GFRA1: variants seen among roughly 807,000 people sequenced by gnomAD.
The protein encoded by GFRA1 is GDNF family receptor alpha-1.
GFRA1 carries 16 observed loss-of-function variants against 51.6 expected under a neutral mutation model. The observed-to-expected ratio is 0.31, with a 90% CI of 0.21 to 0.47. The LOEUF (loss-of-function observed/expected upper bound fraction) is 0.47. Ranked by LOEUF, GFRA1 falls within the 20% of genes least tolerant of loss-of-function variation. The pLI, the probability that GFRA1 is intolerant of heterozygous loss-of-function variation, is 1.00. For missense variants in GFRA1, 530 were observed against 594.3 expected, an observed-to-expected ratio of 0.89 and a Z score of 1.13; for synonymous variants, 270 against 241.3, an observed-to-expected ratio of 1.12 and a Z score of -1.10.
At chr10:116,259,323 C>CTT (rs1491129269) in intron 4 of GFRA1, among the ~76,000 whole-genome samples, 2 of 23,232 alleles carry the variant, frequency 8.6e-5, no homozygotes, top group Non-Finnish European at 1.1e-4. Flanking sequence ...ACTATGTATT[C>CTT]CTTTTTTTTT....
intron 6 of GFRA1, among the ~76,000 whole-genome samples, chr10:116,119,364 A>G (rs1589803580): frequency 2.6e-5 from 4 of 152,326 alleles, no homozygotes; most frequent in Admixed American, 2.6e-4. Flanking sequence ...CGAGCCATTC[A>G]GCACTCCGAA....
At chr10:116,266,899 G>T (rs947561110) in intron 4 of GFRA1, among the ~76,000 whole-genome samples, 3 of 152,150 alleles carry the variant, frequency 2.0e-5, no homozygotes, top group African/African-American at 7.2e-5. Flanking sequence ...CAGATCCATG[G>T]ACTGTAACGA....
At chr10:116,228,333 G>A (rs891004957) in intron 4 of GFRA1, among the ~76,000 whole-genome samples, 1 of 152,176 alleles carries the variant, frequency 6.6e-6, no homozygotes, top group African/African-American at 2.4e-5. Flanking sequence ...TCTTCCAGCT[G>A]GAGATGCCTA....
At chr10:116,064,887 A>G (rs1202503972) in intron 10 of GFRA1, among the ~76,000 whole-genome samples, 1 of 148,796 alleles carries the variant, frequency 6.7e-6, no homozygotes, top group Non-Finnish European at 1.5e-5. Context: ...CAGGTAACTG[A>G]CAGCGTTGGA....
chr10:116,109,351 A>G (rs1337075123), intron 6 of GFRA1, among the ~76,000 whole-genome samples: 1 of 152,214 alleles, frequency 6.6e-6, no homozygotes, highest in Non-Finnish European at 1.5e-5. Context: ...CAGAAGCCCA[A>G]ATCTGATTTA....
chr10:116,211,533 G>A, intron 5 of GFRA1, 98 bp downstream of exon 5: 1 of 1,127,222 alleles, frequency 8.9e-7, no homozygotes, highest in African/African-American at 1.5e-5. Context: ...CATGTCCATA[G>A]AGAACGGGAA....
chr10:116,237,817 C>A (rs922779315), intron 4 of GFRA1, among the ~76,000 whole-genome samples: 6 of 152,122 alleles, frequency 3.9e-5, no homozygotes, highest in African/African-American at 1.4e-4. Context: ...GCAAGCTTTG[C>A]CTTTGCTGGC....
chr10:116,140,212 CTA>C (rs1350496287), intron 5 of GFRA1, among the ~76,000 whole-genome samples: 1 of 152,196 alleles, frequency 6.6e-6, no homozygotes, highest in Non-Finnish European at 1.5e-5. Flanking sequence ...TTTACAAGGA[CTA>C]TACTGAGCCT....
In GFRA1 at chr10:116,176,726, C is replaced by CCTTCCTTCCT. The variant is rs1565629421; in HGVS notation, c.433+34904_433+34905insAGGAAGGAAG. Among the ~76,000 whole-genome samples, 407 of 130,602 alleles carry CCTTCCTTCCT rather than the reference C, an allele frequency of 3.1e-3. 3 individuals carry two copies. The highest frequency in any genetic ancestry group is 0.011 in the African/African-American group (380 of 34,670). 85.7% of individuals were successfully genotyped at this position (130,602 alleles called of 152,430 possible). On this transcript the variant is annotated intron_variant, in intron 5 of 10. Coordinates refer to ENST00000355422, the MANE Select transcript of GFRA1 (RefSeq NM_005264.8). Reference sequence around the variant, plus strand: ...CCTTTCTCCCTCCCTCCCTCCCTCCCTCCTTCCTTCCTTCCTTCCTTCCTT... The same window carrying CCTTCCTTCCT: ...CCTTTCTCCCTCCCTCCCTCCCTCCCCTTCCTTCCTTCCTTCCTTCCTTCCTTCCTTCCTT...
At chr10:116,232,853 T>A (rs1249433760) in intron 4 of GFRA1, among the ~76,000 whole-genome samples, 1 of 152,168 alleles carries the variant, frequency 6.6e-6, no homozygotes. Flanking sequence ...CAGAGATAAC[T>A]GCAGGGAAGC....
intron 5 of GFRA1, among the ~76,000 whole-genome samples, chr10:116,201,091 G>A (rs1345503432): frequency 6.6e-6 from 1 of 152,004 alleles, no homozygotes; most frequent in Non-Finnish European, 1.5e-5. Context: ...TGCTGCCTAG[G>A]TTTTTAAATA....
intron 6 of GFRA1, among the ~76,000 whole-genome samples, chr10:116,114,579 T>G (rs1957337293): frequency 1.3e-5 from 2 of 152,152 alleles, no homozygotes; most frequent in South Asian, 2.1e-4. Context: ...TTAATTTTTT[T>G]AGAGAGAGGG....
intron 4 of GFRA1, among the ~76,000 whole-genome samples, chr10:116,223,605 A>G (rs559811965): frequency 6.6e-6 from 1 of 152,306 alleles, no homozygotes; most frequent in Admixed American, 6.5e-5. Flanking sequence ...GTAACCAGAG[A>G]GCTGAGAACA....
At chr10:116,123,617 A>G (rs985019706) in intron 6 of GFRA1, among the ~76,000 whole-genome samples, 2 of 152,180 alleles carry the variant, frequency 1.3e-5, no homozygotes, top group Non-Finnish European at 2.9e-5. Context: ...CTTTTTAGAA[A>G]CGGGGAACCA....
intron 5 of GFRA1, among the ~76,000 whole-genome samples, chr10:116,198,551 A>G (rs1021540341): frequency 6.6e-6 from 1 of 152,222 alleles, no homozygotes; most frequent in African/African-American, 2.4e-5. Context: ...CAGGAGATAA[A>G]TGGATAGAGA....
chr10:116,159,537 T>G (rs1169251466), intron 5 of GFRA1, among the ~76,000 whole-genome samples: 1 of 152,148 alleles, frequency 6.6e-6, no homozygotes, highest in Non-Finnish European at 1.5e-5. Context: ...GAGCTTGGTG[T>G]CAGGGTGTCC....
chr10:116,126,687 A>C (rs1957892157), intron 5 of GFRA1, among the ~76,000 whole-genome samples: 1 of 152,092 alleles, frequency 6.6e-6, no homozygotes, highest in Non-Finnish European at 1.5e-5. Context: ...GGGATGAGAC[A>C]CCCCGGCAAG....
rs575731902 is a variant in GFRA1 at position 116,236,648 on chromosome 10, T to C, written c.419-25003A>G. Among the ~76,000 whole-genome samples the C allele has an allele frequency of 7.2e-5, 11 of 152,302 alleles. No homozygotes were observed. The East Asian group carries it at 9.6e-4, about 13-fold the overall frequency. ...CTCATATGAGGGAAGGGGTAACTGT[T>C]AGGATTAAAGAACATATTTATCTAA... is the stretch of plus-strand genomic sequence containing the variant. On this transcript the variant is annotated intron_variant, in intron 4 of 10. Coordinates refer to ENST00000355422, the MANE Select transcript of GFRA1 (RefSeq NM_005264.8).
intron 2 of GFRA1, among the ~76,000 whole-genome samples, chr10:116,271,534 G>A (rs950574981): frequency 1.1e-4 from 16 of 152,252 alleles, no homozygotes; most frequent in African/African-American, 3.6e-4. Context: ...ACTGGGCACC[G>A]GGCGCGCGCT....
Sources: gnomAD v4.1 joint callset for allele counts (sites outside exome capture counted in the v4.1 genomes callset) on GRCh38, gnomAD v4.1.1 for gene constraint, MANE v1.5 for transcripts, NCBI Gene and HGNC (gene_info 2026-07-23, HGNC 2026-07-21) for gene names.